PSG11: variants seen among roughly 807,000 people sequenced by gnomAD.
PSG11 encodes the protein pregnancy specific beta-1-glycoprotein 11.
In PSG11, 42 loss-of-function variants were observed where a neutral mutation model predicts 36.0. The observed-to-expected ratio is 1.17, with a 90% CI of 0.91 to 1.51. PSG11 has a LOEUF of 1.51. Among genes scored for constraint, PSG11 ranks in the 40% most tolerant of loss-of-function variants. PSG11 has a pLI of 0.00. For missense variants in PSG11, 558 were observed against 403.5 expected, an observed-to-expected ratio of 1.38 and a Z score of -3.28; for synonymous variants, 206 against 153.5, an observed-to-expected ratio of 1.34 and a Z score of -2.53.
Position 43,026,210 on chromosome 19 carries a change from G to C in PSG11, c.64+99C>G. On this transcript the variant is annotated intron_variant, in intron 1 of 5. Transcript: ENST00000320078. ...CCCACCTCAGCCTCCCTAAATGCTG[G>C]CTTTTTTATTTTTTAGAACCCCAGG... 1.9e-6 allele frequency: 3 copies of C among 1,548,600 alleles called. No homozygotes were observed. In the East Asian group the frequency reaches 7.0e-5, roughly 36 times the overall value.
At chr19:43,013,812 T>C (rs1333914758) in intron 4 of PSG11, among the ~76,000 whole-genome samples, 1 of 151,410 alleles carries the variant, frequency 6.6e-6, no homozygotes, top group Non-Finnish European at 1.5e-5. Context: ...AACAAATATT[T>C]GTACACTGAT....
At chr19:43,012,953 T>C in intron 4 of PSG11, among the ~76,000 whole-genome samples, 1 of 151,356 alleles carries the variant, frequency 6.6e-6, no homozygotes, top group South Asian at 2.1e-4. Context: ...TAATGAAATA[T>C]CATAGCCCAG....
rs537575459 is a variant in PSG11, at chr19:43,015,806, C to T, written c.710-436G>A. 13 of 1,610,296 alleles carry T rather than the reference C, an allele frequency of 8.1e-6. 1 individual carries two copies. The African/African-American group carries it at 1.2e-4, about 15-fold the overall frequency. On this transcript the variant is annotated intron_variant, in intron 3 of 5. Coordinates refer to ENST00000320078, the MANE Select transcript of PSG11 (RefSeq NM_002785.3). ...GTGACTGAGTCACTGCGGATGCCACCATATCGGTCCCGTATTTCACATTGA... is the reference window on the plus strand; with the variant it reads ...GTGACTGAGTCACTGCGGATGCCACTATATCGGTCCCGTATTTCACATTGA...
chr19:43,015,815 C>G, intron 3 of PSG11: 1 of 1,610,240 alleles, frequency 6.2e-7, no homozygotes, highest in Non-Finnish European at 8.5e-7. Context: ...CCATATCGGT[C>G]CCGTATTTCA....
chr19:43,020,072 T>C (rs1269084110), intron 2 of PSG11, among the ~76,000 whole-genome samples: 1 of 151,316 alleles, frequency 6.6e-6, no homozygotes, highest in African/African-American at 2.4e-5. Flanking sequence ...GAGTGTAGAA[T>C]AGTAGTTTCC....
chr19:43,016,111 A>C, intron 3 of PSG11: 1 of 1,545,708 alleles, frequency 6.5e-7, no homozygotes, highest in Non-Finnish European at 8.7e-7. Context: ...GGCATCCTTC[A>C]ATCAGAGTTG....
chr19:43,020,780 T>G (rs1470648446), intron 2 of PSG11, among the ~76,000 whole-genome samples: 2 of 151,004 alleles, frequency 1.3e-5, no homozygotes, highest in Non-Finnish European at 2.9e-5. Context: ...TTAAAAGAAG[T>G]GATGTGTGTT....
rs1599682315 is a variant in PSG11 at position 43,024,441 on chromosome 19, C to A, written c.430+250G>T. Reference sequence around the variant, plus strand: ...GGTGCTTGGCTGAGACTGATCTCCTCCTGCTGAGTCCCCCCATCAGACTGT... The same window carrying A: ...GGTGCTTGGCTGAGACTGATCTCCTACTGCTGAGTCCCCCCATCAGACTGT... On this transcript the variant is annotated intron_variant, in intron 2 of 5. Transcript: ENST00000320078. 2.2e-5 allele frequency: 13 copies of A among 586,478 alleles called. 2 individuals carry two copies. In the South Asian group the frequency reaches 2.6e-4, roughly 12 times the overall value. The allele number at this position is 586,478 out of a possible 1,614,324, so 36.3% of individuals were successfully genotyped here. A position where few individuals can be genotyped will look rare whatever the true frequency, so the allele number is the denominator to read the frequency against.
chr19:43,018,561 C>A, intron 3 of PSG11: 3 of 1,188,444 alleles, frequency 2.5e-6, no homozygotes, highest in Non-Finnish European at 3.5e-6. Context: ...GGACCCTGAG[C>A]CTCCCATGAC....
chr19:43,015,771 G>T, intron 3 of PSG11: 1 of 1,610,270 alleles, frequency 6.2e-7, no homozygotes, highest in Non-Finnish European at 8.5e-7. Flanking sequence ...AGATACAGAG[G>T]ACATTCAGGG....
In PSG11 at chr19:43,022,851, G is replaced by T. The variant is rs2354820; in HGVS notation, c.430+1840C>A. On this transcript the variant is annotated intron_variant, in intron 2 of 5. Transcript: ENST00000320078. ...GCACCTTTCCTATTTCCTGGGAGGTGGGCCAGGCCACAGTGTTAGCGGGAA... is the reference window on the plus strand; with the variant it reads ...GCACCTTTCCTATTTCCTGGGAGGTTGGCCAGGCCACAGTGTTAGCGGGAA... Among the ~76,000 whole-genome samples the T allele has an allele frequency of 3.3e-5, 5 of 150,608 alleles. No homozygotes were observed. The East Asian group carries it at 5.9e-4, about 18-fold the overall frequency.
chr19:43,015,049 C>A lies in PSG11; in HGVS notation c.964+67G>T. The A allele has an allele frequency of 2.5e-6, 4 of 1,609,572 alleles. No individual in the cohort carries two copies. The Middle Eastern group carries it at 5.0e-4, about 202-fold the overall frequency. On this transcript the variant is annotated intron_variant, in intron 4 of 5. Coordinates refer to ENST00000320078, the MANE Select transcript of PSG11 (RefSeq NM_002785.3). Reference sequence around the variant, plus strand: ...GCTGGGAATAAAAATGTTTTCCTGACTCTTCTCTGAAAGCTAGATAGACTC... The same window carrying A: ...GCTGGGAATAAAAATGTTTTCCTGAATCTTCTCTGAAAGCTAGATAGACTC...
Position 43,023,181 on chromosome 19 carries a change from T to TG in PSG11, c.430+1509dup, listed in dbSNP as rs1275754557. Among the ~76,000 whole-genome samples, 122 of 150,046 alleles carry TG rather than the reference T, an allele frequency of 8.1e-4. 4 individuals are homozygous for TG. Among genetic ancestry groups the TG allele is most frequent in the African/African-American group, 2.9e-3 (118 of 40,446 alleles). ...GGGTGGCTTTAGGGGCAAGAGGTAG[T>TG]GGGGGGATGAAACATGGGTGTCAGC... On this transcript the variant is annotated intron_variant, in intron 2 of 5. Transcript: ENST00000320078.
Position 43,025,551 on chromosome 19 carries a change from C to T in PSG11, c.65-495G>A, listed in dbSNP as rs1160893464. Among the ~76,000 whole-genome samples, 6 of 151,042 alleles carry T rather than the reference C, an allele frequency of 4.0e-5. No individual in the cohort carries two copies. The South Asian group carries it at 6.3e-4, about 16-fold the overall frequency. The stretch of plus-strand genomic sequence containing the variant: ...TTCCTCCCCATGGCAGCATGAGCTC[C>T]GTGAGGACAGGGACTTTTGTGATCT... On this transcript the variant is annotated intron_variant, in intron 1 of 5. Transcript: ENST00000320078.
In PSG11 at chr19:43,025,532, C is replaced by T. The variant is rs368498137; in HGVS notation, c.65-476G>A. Among the ~76,000 whole-genome samples, 16 of 151,198 alleles carry T rather than the reference C, an allele frequency of 1.1e-4. No homozygotes were observed. In the South Asian group the frequency reaches 2.7e-3, roughly 26 times the overall value. Reference sequence around the variant, plus strand: ...ATCTCTTTGCATGTCTGACTTCCTCCCCATGGCAGCATGAGCTCCGTGAGG... The same window carrying T: ...ATCTCTTTGCATGTCTGACTTCCTCTCCATGGCAGCATGAGCTCCGTGAGG... On this transcript the variant is annotated intron_variant, in intron 1 of 5. Transcript: ENST00000320078.
chr19:43,014,455 A>G lies in PSG11; in HGVS notation c.964+661T>C, dbSNP rs865858550. On this transcript the variant is annotated intron_variant, in intron 4 of 5. Transcript: ENST00000320078. ...CTTCAGAGCCAGGACGCAGCTCAGG[A>G]GTCTGCCCTGAGGTTGCTTCTCTTC... is the stretch of plus-strand genomic sequence containing the variant. 23 of 965,610 alleles carry G rather than the reference A, an allele frequency of 2.4e-5. No individual in the cohort carries two copies. In the African/African-American group the frequency reaches 3.0e-4, roughly 13 times the overall value. 59.8% of individuals were successfully genotyped at this position (965,610 alleles called of 1,614,324 possible).
At chr19:43,017,203 T>C (rs1966989345) in intron 3 of PSG11, 1 of 151,476 alleles carries the variant, frequency 6.6e-6, no homozygotes, top group African/African-American at 2.4e-5. Flanking sequence ...ACAGATTATT[T>C]CTTATGCATA....
intron 2 of PSG11, 133 bp from the exon 3 acceptor site, chr19:43,019,181 G>A: frequency 6.7e-7 from 1 of 1,497,604 alleles, no homozygotes. Flanking sequence ...AGGTGTGTGT[G>A]TTACAACACA....
intron 3 of PSG11, among the ~76,000 whole-genome samples, chr19:43,017,815 T>C (rs537504885): frequency 1.3e-5 from 2 of 151,718 alleles, no homozygotes; most frequent in East Asian, 3.9e-4. Flanking sequence ...CAAGGTATAA[T>C]CATTTGACCT....
Sources: gnomAD v4.1 joint callset for allele counts (sites outside exome capture counted in the v4.1 genomes callset) on GRCh38, gnomAD v4.1.1 for gene constraint, MANE v1.5 for transcripts, NCBI Gene and HGNC (gene_info 2026-07-23, HGNC 2026-07-21) for gene names.